The following ARHGAP26 variants were observed in gnomAD, a reference collection of about 807,000 sequenced individuals.
ARHGAP26 encodes the protein Rho GTPase activating protein 26.
In ARHGAP26, 38 loss-of-function variants were observed where a neutral mutation model predicts 104.8. The observed-to-expected ratio is 0.36, with a 90% confidence interval of 0.28 to 0.48. The LOEUF (loss-of-function observed/expected upper bound fraction) is 0.48, where lower values mean the gene tolerates loss of function less well. Ranked by LOEUF, ARHGAP26 falls within the 20% of genes least tolerant of loss-of-function variation. ARHGAP26 has a pLI of 0.99. For missense variants in ARHGAP26, 704 were observed against 947.9 expected, an observed-to-expected ratio of 0.74 and a Z score of 3.38; for synonymous variants, 341 against 340.0, an observed-to-expected ratio of 1.00 and a Z score of -0.03.
At chr5:143,084,451 T>G (rs2150469961) in intron 17 of ARHGAP26, among the ~76,000 whole-genome samples, 1 of 152,158 alleles carries the variant, frequency 6.6e-6, no homozygotes, top group South Asian at 2.1e-4. Flanking sequence ...ATGCATGGGG[T>G]GCTTATGGGA....
intron 5 of ARHGAP26, among the ~76,000 whole-genome samples, chr5:142,891,477 A>G (rs972541427): frequency 3.9e-5 from 6 of 151,950 alleles, no homozygotes; most frequent in African/African-American, 1.2e-4. Context: ...GTGTTTTACC[A>G]GAGCTTGTAG....
Position 143,085,044 on chromosome 5 carries a change from C to CAA in ARHGAP26, c.1538+27319_1538+27320dup, listed in dbSNP as rs56852430. ...TGGGCAACAGAGCAAGACTCCATCT[C>CAA]AAAAAAAAAAAAAAAAAAAAAAAGA... On this transcript the variant is annotated intron_variant, in intron 17 of 22. Coordinates refer to ENST00000645722, the MANE Select transcript of ARHGAP26 (RefSeq NM_001135608.3). Among the ~76,000 whole-genome samples the CAA allele has an allele frequency of 6.5e-3, 395 of 60,990 alleles. 10 individuals are homozygous for CAA. The East Asian group carries it at 0.071, about 11-fold the overall frequency. The allele number at this position is 60,990 out of a possible 152,430, so 40.0% of individuals were successfully genotyped here.
rs576331696 is a variant in ARHGAP26 at position 142,991,837 on chromosome 5, C to T, written c.1108-22243C>T. 1.2e-4 allele frequency among the ~76,000 whole-genome samples: 19 copies of T among 152,218 alleles called. No homozygotes were observed. In the South Asian group the frequency reaches 2.5e-3, roughly 20 times the overall value. ...GTAGGGCAACAAAATTGCCTAACAA[C>T]GCATTTCTCAGAACATATCCCTGTC... is the stretch of plus-strand genomic sequence containing the variant. On this transcript the variant is annotated intron_variant, in intron 11 of 22. Coordinates refer to ENST00000645722, the MANE Select transcript of ARHGAP26 (RefSeq NM_001135608.3).
chr5:143,134,187 C>G, intron 19 of ARHGAP26, 82 bp downstream of exon 19: 1 of 1,438,848 alleles, frequency 7.0e-7, no homozygotes, highest in Non-Finnish European at 9.2e-7. Flanking sequence ...ACACTTCCAG[C>G]TTTTCTCTGT....
Position 143,213,621 on chromosome 5 carries a change from G to A in ARHGAP26, c.2100-376G>A, listed in dbSNP as rs1176780504. On this transcript the variant is annotated intron_variant, in intron 21 of 22. Coordinates refer to ENST00000645722, the MANE Select transcript of ARHGAP26 (RefSeq NM_001135608.3). Reference sequence around the variant, plus strand: ...TTCTGTTGGGAGTGTGTTCCCCAGAGCAGCTTGGAACTTCTTTCCTGCCCC... The same window carrying A: ...TTCTGTTGGGAGTGTGTTCCCCAGAACAGCTTGGAACTTCTTTCCTGCCCC... 2.0e-5 allele frequency among the ~76,000 whole-genome samples: 3 copies of A among 152,304 alleles called. No homozygotes were observed. The East Asian group carries it at 5.8e-4, about 29-fold the overall frequency.
intron 11 of ARHGAP26, among the ~76,000 whole-genome samples, chr5:142,963,798 C>T (rs1345398012): frequency 6.6e-6 from 1 of 152,164 alleles, no homozygotes. Flanking sequence ...TCCTCTCCCT[C>T]CTTTAGAATG....
chr5:142,871,416 A>C lies in ARHGAP26; in HGVS notation c.155-1984A>C, dbSNP rs912469744. Among the ~76,000 whole-genome samples, 1 of 152,036 alleles carries C rather than the reference A, an allele frequency of 6.6e-6. No individual in the cohort carries two copies. The highest frequency in any genetic ancestry group is 2.4e-5 in the African/African-American group (1 of 41,378). On this transcript the variant is annotated intron_variant, in intron 1 of 22. Transcript: ENST00000645722. The surrounding 1 kb of genome is among the most constrained non-coding windows in gnomAD (Gnocchi z 4.1). ...CATTTCACCTGTTTCCACTTTGTTGAGATGATTGAGTTTCTCTTGCTTATG... is the reference window on the plus strand; with the variant it reads ...CATTTCACCTGTTTCCACTTTGTTGCGATGATTGAGTTTCTCTTGCTTATG...
intron 11 of ARHGAP26, among the ~76,000 whole-genome samples, chr5:142,940,799 A>G (rs986043975): frequency 6.6e-6 from 1 of 152,130 alleles, no homozygotes; most frequent in Non-Finnish European, 1.5e-5. Context: ...GAATTTGGCC[A>G]GGTGCGGTGG....
chr5:143,003,775 A>G (rs887951539), intron 11 of ARHGAP26, among the ~76,000 whole-genome samples: 2 of 152,098 alleles, frequency 1.3e-5, no homozygotes, highest in Non-Finnish European at 2.9e-5. Flanking sequence ...TAATACTCTC[A>G]TAAGTATTAT....
chr5:142,779,713 C>T (rs1757111377), intron 1 of ARHGAP26, among the ~76,000 whole-genome samples: 1 of 152,230 alleles, frequency 6.6e-6, no homozygotes, highest in Admixed American at 6.5e-5. Context: ...GCCTCCTCCT[C>T]TGAGACTTCA....
intron 14 of ARHGAP26, among the ~76,000 whole-genome samples, chr5:143,049,664 T>G (rs1784717256): frequency 6.6e-6 from 1 of 152,240 alleles, no homozygotes; most frequent in Non-Finnish European, 1.5e-5. Context: ...CTCCTTGTTC[T>G]GCTATTTTCC....
Position 142,846,313 on chromosome 5 carries a change from G to A in ARHGAP26, c.155-27087G>A, listed in dbSNP as rs143715353. ...TTGTATCCAAGCTCAGAGGGGTGCC[G>A]AGGTATATGTGTCGGGTGAGGAGGA... On this transcript the variant is annotated intron_variant, in intron 1 of 22. Transcript: ENST00000645722. Among the ~76,000 whole-genome samples the A allele has an allele frequency of 3.3e-3, 498 of 152,254 alleles. 7 individuals are homozygous for A. The Middle Eastern group carries it at 0.041, about 12-fold the overall frequency.
chr5:143,149,382 C>G (rs1799542055), intron 20 of ARHGAP26, among the ~76,000 whole-genome samples: 1 of 152,140 alleles, frequency 6.6e-6, no homozygotes. Context: ...AGCATCAGCC[C>G]TGATACCAGC....
chr5:142,812,133 G>A (rs555191830), intron 1 of ARHGAP26, among the ~76,000 whole-genome samples: 6 of 151,572 alleles, frequency 4.0e-5, no homozygotes, highest in East Asian at 1.9e-4. Context: ...CTTCCTCTTC[G>A]CTTCCTGTAG....
In ARHGAP26 at chr5:143,179,605, G is replaced by A. The variant is rs541749285; in HGVS notation, c.1989-27593G>A. Among the ~76,000 whole-genome samples the A allele has an allele frequency of 8.5e-5, 13 of 152,352 alleles. No individual in the cohort carries two copies. In the East Asian group the frequency reaches 2.5e-3, roughly 29 times the overall value. ...AGAGAAGGAGAGTTCTTAGCTGCAAGCCACTGGGTGGCCACTCCAGAAGAC... is the reference window on the plus strand; with the variant it reads ...AGAGAAGGAGAGTTCTTAGCTGCAAACCACTGGGTGGCCACTCCAGAAGAC... On this transcript the variant is annotated intron_variant, in intron 20 of 22. Coordinates refer to ENST00000645722, the MANE Select transcript of ARHGAP26 (RefSeq NM_001135608.3).
chr5:143,022,353 A>C (rs575294039), intron 12 of ARHGAP26, among the ~76,000 whole-genome samples: 1 of 152,218 alleles, frequency 6.6e-6, no homozygotes, highest in Non-Finnish European at 1.5e-5. Context: ...GATTACAGGC[A>C]TGAGCCACTG....
intron 17 of ARHGAP26, among the ~76,000 whole-genome samples, chr5:143,061,194 C>T (rs1030528574): frequency 4.6e-5 from 7 of 152,156 alleles, no homozygotes; most frequent in African/African-American, 1.7e-4. Context: ...CCTCAGTTTT[C>T]TTTCTCTTCC....
At chr5:142,894,056 TATG>T (rs1428929248) in intron 5 of ARHGAP26, among the ~76,000 whole-genome samples, 179 bp from the exon 6 acceptor site, 1 of 152,140 alleles carries the variant, frequency 6.6e-6, no homozygotes, top group African/African-American at 2.4e-5. Context: ...AGTTGTATAA[TATG>T]ATGTTTCAGT....
At chr5:142,904,229 G>T (rs1275382630) in intron 8 of ARHGAP26, among the ~76,000 whole-genome samples, 1 of 151,966 alleles carries the variant, frequency 6.6e-6, no homozygotes, top group Non-Finnish European at 1.5e-5. Flanking sequence ...GGTGGCTCAC[G>T]TCTGTAATCC....
Sources: gnomAD v4.1 joint callset for allele counts (sites outside exome capture counted in the v4.1 genomes callset) on GRCh38, gnomAD v4.1.1 for gene constraint, Gnocchi (gnomAD v3.1) non-coding constraint, MANE v1.5 for transcripts, NCBI Gene and HGNC (gene_info 2026-07-23, HGNC 2026-07-21) for gene names.